TRMU: variants seen among roughly 807,000 people sequenced by gnomAD.
TRMU encodes the protein tRNA mitochondrial 2-thiouridylase, also known as mitochondrial tRNA-specific 2-thiouridylase 1.
In TRMU, 49 loss-of-function variants were observed where a neutral mutation model predicts 46.9. The ratio of observed to expected loss-of-function variants is 1.05; its 90% confidence interval spans 0.83 to 1.33. TRMU has a LOEUF of 1.33. TRMU is among the 40% of genes most tolerant of loss of function. The pLI is 0.00. For missense variants in TRMU, 572 were observed against 532.4 expected (o/e 1.07, Z -0.73); for synonymous variants, 241 against 200.9 (o/e 1.20, Z -1.69).
intron 10 of TRMU, 74 bp from the exon 11 acceptor site, chr22:46,356,768 G>A: frequency 1.3e-6 from 2 of 1,577,522 alleles, no homozygotes; most frequent in East Asian, 2.2e-5. Flanking sequence ...GGCCCCATAG[G>A]GGAGCACTCT....
rs1419118084 is a variant in TRMU at position 46,351,061 on chromosome 22, G to A, written c.651+598G>A. Among the ~76,000 whole-genome samples, 1 of 152,222 alleles carries A rather than the reference G, an allele frequency of 6.6e-6. No homozygotes were observed. The highest frequency in any genetic ancestry group is 6.5e-5 in the Admixed American group (1 of 15,284). On this transcript the variant is annotated intron_variant, in intron 5 of 10. Transcript: ENST00000645190. The surrounding 1 kb of genome is among the most constrained non-coding windows in gnomAD (Gnocchi z 6.4). The stretch of plus-strand genomic sequence containing the variant: ...GACCCTGGGTGGGAAGCACCAGTGG[G>A]GTCTGAGAGTAGGGAATGGAGATGC...
In TRMU at chr22:46,355,595, G is replaced by A; in HGVS notation, c.1018+7G>A. 1.2e-6 allele frequency: 2 copies of A among 1,613,326 alleles called. No individual in the cohort carries two copies. Among genetic ancestry groups the A allele is most frequent in the Non-Finnish European group, 1.7e-6 (2 of 1,180,026 alleles). ...CGCCACCAGATGGCACTAGGTGACT[G>A]ACGGGAGGGCTCCTGAGGACGGGCC... is the stretch of plus-strand genomic sequence containing the variant. On this transcript the variant is annotated splice_region_variant and intron_variant, in intron 9 of 10. Coordinates refer to ENST00000645190, the MANE Select transcript of TRMU (RefSeq NM_018006.5).
At chr22:46,345,708 T>A (rs1028307182) in intron 3 of TRMU, among the ~76,000 whole-genome samples, 1 of 152,114 alleles carries the variant, frequency 6.6e-6, no homozygotes, top group Admixed American at 6.6e-5. Flanking sequence ...CCCCCATTGT[T>A]ACGGCAGTGC....
At position 46,335,762 on chromosome 22, in the gene TRMU, C is replaced by T. The variant is rs967612493; in HGVS notation, c.-3C>T. On this transcript the variant is annotated 5_prime_UTR_variant, in exon 1 of 11. Coordinates refer to ENST00000645190, the MANE Select transcript of TRMU (RefSeq NM_018006.5). ...GCAGCTGGCGAAGTTGGGCGACTGG[C>T]GGATGCAGGCCTTGCGGCACGTCGT... 7 of 1,550,720 alleles carry T rather than the reference C, an allele frequency of 4.5e-6. No homozygotes were observed. In the African/African-American group the frequency reaches 5.5e-5, roughly 12 times the overall value.
intron 10 of TRMU, 58 bp from the exon 11 acceptor site, chr22:46,356,783 CT>C (rs2078623425): frequency 2.5e-6 from 4 of 1,601,444 alleles, no homozygotes; most frequent in Non-Finnish European, 2.6e-6. Context: ...CACTCTGCCC[CT>C]GCCTGCCCTC....
In TRMU at chr22:46,336,049, G is replaced by T; in HGVS notation, c.82+203G>T. ...GTAGTCGGAGGTGTGCGCGACTGCA[G>T]CTCCGACTACCTGGGAGCAGTTCCG... On this transcript the variant is annotated intron_variant, in intron 1 of 10. Coordinates refer to ENST00000645190, the MANE Select transcript of TRMU (RefSeq NM_018006.5). The surrounding 1 kb of genome is among the most constrained non-coding windows in gnomAD (Gnocchi z 4.1). 1 of 1,405,974 alleles carries T rather than the reference G, an allele frequency of 7.1e-7. No individual in the cohort carries two copies. Among genetic ancestry groups the T allele is most frequent in the African/African-American group, 1.5e-5 (1 of 65,938 alleles). 87.1% of individuals were successfully genotyped at this position (1,405,974 alleles called of 1,614,324 possible).
Position 46,336,817 on chromosome 22 carries a change from G to A in TRMU, c.83-962G>A, listed in dbSNP as rs1037206380. ...GAGTGGAGGAAAGCATCCTAGAGAT[G>A]GAGGTGCTCAGCTGAGTCGAAAGAA... On this transcript the variant is annotated intron_variant, in intron 1 of 10. Transcript: ENST00000645190. This position sits in a 1 kb window ranked among gnomAD's most constrained non-coding sequence, Gnocchi z 4.1. Among the ~76,000 whole-genome samples, 5 of 152,122 alleles carry A rather than the reference G, an allele frequency of 3.3e-5. No homozygotes were observed. The highest frequency in any genetic ancestry group is 4.8e-5 in the African/African-American group (2 of 41,412).
In TRMU at chr22:46,338,510, A is replaced by T. The variant is rs1000524267; in HGVS notation, c.248+566A>T. On this transcript the variant is annotated intron_variant, in intron 2 of 10. Transcript: ENST00000645190. The surrounding 1 kb of genome is among the most constrained non-coding windows in gnomAD (Gnocchi z 4.5). ...GTTGGGAGGACATTATCTTCACAAG[A>T]GGTGACAGTGATGCGTGGCACGCAG... Among the ~76,000 whole-genome samples, 2 of 152,254 alleles carry T rather than the reference A, an allele frequency of 1.3e-5. No homozygotes were observed. Among genetic ancestry groups the T allele is most frequent in the African/African-American group, 2.4e-5 (1 of 41,462 alleles).
rs2078642483 is a variant in TRMU, at chr22:46,357,258, G to C, written c.*252G>C. On this transcript the variant is annotated 3_prime_UTR_variant, in exon 11 of 11. Transcript: ENST00000645190. ...AGTTCCCCTTCACCGCCCCCAGGGA[G>C]GGTTTCCCACCTCAGAGTACACCGA... 10 of 586,390 alleles carry C rather than the reference G, an allele frequency of 1.7e-5. No homozygotes were observed. Among genetic ancestry groups the C allele is most frequent in the Non-Finnish European group, 2.7e-5 (9 of 330,640 alleles). The allele number at this position is 586,390 out of a possible 1,614,324, so 36.3% of individuals were successfully genotyped here.
Position 46,338,990 on chromosome 22 carries a change from C to G in TRMU, c.248+1046C>G, listed in dbSNP as rs2078051772. On this transcript the variant is annotated intron_variant, in intron 2 of 10. Transcript: ENST00000645190. This position sits in a 1 kb window ranked among gnomAD's most constrained non-coding sequence, Gnocchi z 4.5. ...AAAAATTCTCTTTTTTTCCTGCCAA[C>G]AAAGACCCAGAAGAGATACTTGACT... is the stretch of plus-strand genomic sequence containing the variant. 6.6e-6 allele frequency among the ~76,000 whole-genome samples: 1 copy of G among 152,068 alleles called. No individual in the cohort carries two copies. The highest frequency in any genetic ancestry group is 2.4e-5 in the African/African-American group (1 of 41,392).
At chr22:46,355,715 T>G in intron 9 of TRMU, 127 bp downstream of exon 9, 1 of 1,486,786 alleles carries the variant, frequency 6.7e-7, no homozygotes, top group Non-Finnish European at 9.2e-7. Context: ...GGAGATTACC[T>G]AAAGTATTTA....
At chr22:46,337,747 G>GTA in intron 1 of TRMU, 32 bp from the exon 2 acceptor site, 1 of 1,613,848 alleles carries the variant, frequency 6.2e-7, no homozygotes, top group Non-Finnish European at 8.5e-7. Flanking sequence ...GTTGATTTAT[G>GTA]TATTCTCTTT....
In TRMU at chr22:46,357,089, A is replaced by G; in HGVS notation, c.*83A>G. The G allele has an allele frequency of 6.3e-7, 1 of 1,580,464 alleles. No homozygotes were observed. ...TGAGCAGTCCAGGTGCCCAAGGGCCAGCTTGCTGCTGCCCAAAGCAGAGGA... is the reference window on the plus strand; with the variant it reads ...TGAGCAGTCCAGGTGCCCAAGGGCCGGCTTGCTGCTGCCCAAAGCAGAGGA... On this transcript the variant is annotated 3_prime_UTR_variant, in exon 11 of 11. Transcript: ENST00000645190.
chr22:46,355,347 G>A (rs938584036), intron 8 of TRMU, 97 bp from the exon 9 acceptor site: 3 of 1,519,384 alleles, frequency 2.0e-6, no homozygotes, highest in African/African-American at 1.4e-5. Context: ...CTGTGTGTGT[G>A]TGTGCTGGTA....
intron 7 of TRMU, chr22:46,352,749 T>A (rs779210937): frequency 1.4e-4 from 48 of 336,796 alleles, no homozygotes; most frequent in Non-Finnish European, 2.7e-4. Flanking sequence ...GGATCAGGCG[T>A]CCGCGCTGGC....
chr22:46,355,150 C>A, intron 8 of TRMU: 1 of 527,648 alleles, frequency 1.9e-6, no homozygotes, highest in Admixed American at 3.2e-5. Flanking sequence ...GGGCCTGAGT[C>A]AGACTTGAAC....
intron 10 of TRMU, 159 bp downstream of exon 10, chr22:46,356,231 T>C: frequency 2.8e-6 from 2 of 718,956 alleles, no homozygotes; most frequent in Admixed American, 2.2e-5. Context: ...CCCTGGGGGC[T>C]CCTCCCACAG....
chr22:46,343,434 G>A, intron 3 of TRMU, 66 bp downstream of exon 3: 1 of 1,201,704 alleles, frequency 8.3e-7, no homozygotes. Flanking sequence ...CACCCAGGCT[G>A]GATTGCAGTG....
rs2078141353 is a variant in TRMU, at chr22:46,342,263, G to T, written c.249-999G>T. 6.6e-6 allele frequency among the ~76,000 whole-genome samples: 1 copy of T among 152,170 alleles called. No individual in the cohort carries two copies. Among genetic ancestry groups the T allele is most frequent in the Admixed American group, 6.5e-5 (1 of 15,278 alleles). On this transcript the variant is annotated intron_variant, in intron 2 of 10. Transcript: ENST00000645190. The surrounding 1 kb of genome is among the most constrained non-coding windows in gnomAD (Gnocchi z 4.7). ...CAATTATTAATAATTTGCTGGAGTGGTTCACAGAACTCAGAAAAACACATT... is the reference window on the plus strand; with the variant it reads ...CAATTATTAATAATTTGCTGGAGTGTTTCACAGAACTCAGAAAAACACATT...
Sources: allele counts gnomAD v4.1 joint callset (sites outside exome capture counted in the v4.1 genomes callset), GRCh38; gene constraint gnomAD v4.1.1; non-coding constraint Gnocchi (gnomAD v3.1); transcripts MANE v1.5; gene names NCBI Gene and HGNC (gene_info 2026-07-23, HGNC 2026-07-21).